NKAIN2: variants seen among roughly 807,000 people sequenced by gnomAD.
The protein encoded by NKAIN2 is sodium/potassium transporting ATPase interacting 2.
NKAIN2 carries 14 observed loss-of-function variants against 32.6 expected under a neutral mutation model. The ratio of observed to expected loss-of-function variants is 0.43; its 90% confidence interval spans 0.28 to 0.67. The LOEUF (loss-of-function observed/expected upper bound fraction) is 0.67. Among genes scored for constraint, NKAIN2 ranks in the 30% least tolerant of loss-of-function variants. NKAIN2 has a pLI of 0.17. For missense variants in NKAIN2, 198 were observed against 258.3 expected, an observed-to-expected ratio of 0.77 and a Z score of 1.60; for synonymous variants, 80 against 87.2, an observed-to-expected ratio of 0.92 and a Z score of 0.46.
chr6:124,810,666 A>G (rs1283839259), intron 5 of NKAIN2, among the ~76,000 whole-genome samples: 3 of 151,946 alleles, frequency 2.0e-5, no homozygotes, highest in African/African-American at 7.2e-5. Context: ...TAAAAATAAA[A>G]TATTAAAGAT....
intron 1 of NKAIN2, among the ~76,000 whole-genome samples, chr6:124,205,274 A>C (rs112509770): frequency 6.6e-6 from 1 of 151,890 alleles, no homozygotes; most frequent in African/African-American, 2.4e-5. Context: ...ATGCTTCTAC[A>C]CGAATTTTCC....
intron 1 of NKAIN2, among the ~76,000 whole-genome samples, chr6:124,015,105 G>A (rs570967629): frequency 1.3e-4 from 20 of 152,280 alleles, no homozygotes; most frequent in Non-Finnish European, 2.4e-4. Context: ...CTAGTAGAGT[G>A]TAAAGGGCAT....
chr6:124,752,763 C>T (rs1271944784), intron 4 of NKAIN2, among the ~76,000 whole-genome samples: 3 of 151,994 alleles, frequency 2.0e-5, no homozygotes. Context: ...TCTAAGTATG[C>T]ATCCAATGTA....
intron 1 of NKAIN2, among the ~76,000 whole-genome samples, chr6:123,930,151 A>T (rs1370055016): frequency 6.6e-6 from 1 of 152,136 alleles, no homozygotes; most frequent in Admixed American, 6.5e-5. Context: ...TCAGCACTTA[A>T]ATCATTCCCA....
At chr6:124,454,673 A>G (rs980601877) in intron 3 of NKAIN2, among the ~76,000 whole-genome samples, 6 of 152,044 alleles carry the variant, frequency 3.9e-5, no homozygotes, top group Non-Finnish European at 8.8e-5. Flanking sequence ...TTCTGAAAAC[A>G]TGCTTGGAAA....
At chr6:123,955,015 G>A (rs899222979) in intron 1 of NKAIN2, among the ~76,000 whole-genome samples, 1 of 152,084 alleles carries the variant, frequency 6.6e-6, no homozygotes, top group South Asian at 2.1e-4. Flanking sequence ...GGGAGAAGGG[G>A]ATGGGTAGGT....
chr6:124,558,603 A>G (rs541551787), intron 3 of NKAIN2, among the ~76,000 whole-genome samples: 1 of 152,126 alleles, frequency 6.6e-6, no homozygotes, highest in East Asian at 1.9e-4. Flanking sequence ...AAGATGCCCT[A>G]AGAGTTGGTG....
chr6:124,233,334 G>A (rs1270621985), intron 1 of NKAIN2, among the ~76,000 whole-genome samples: 1 of 152,082 alleles, frequency 6.6e-6, no homozygotes, highest in Non-Finnish European at 1.5e-5. Context: ...GCATTGAAAT[G>A]CAATTGGCTG....
intron 4 of NKAIN2, among the ~76,000 whole-genome samples, chr6:124,661,783 T>TA (rs1222617900): frequency 2.6e-5 from 4 of 151,904 alleles, no homozygotes; most frequent in Admixed American, 6.6e-5. Context: ...AACCAAAAAT[T>TA]AAAAAAATCC....
intron 3 of NKAIN2, among the ~76,000 whole-genome samples, chr6:124,591,188 T>C (rs1054443282): frequency 6.6e-6 from 1 of 152,180 alleles, no homozygotes; most frequent in Non-Finnish European, 1.5e-5. Flanking sequence ...GTGCCACGAA[T>C]TGGAATGTAC....
At chr6:123,808,578 C>T (rs1006355655) in intron 1 of NKAIN2, among the ~76,000 whole-genome samples, 10 of 152,142 alleles carry the variant, frequency 6.6e-5, no homozygotes, top group African/African-American at 1.2e-4. Flanking sequence ...CTTCTTTCTT[C>T]GTTCACAAAG....
chr6:124,590,364 T>C (rs1314728651), intron 3 of NKAIN2, among the ~76,000 whole-genome samples: 1 of 152,188 alleles, frequency 6.6e-6, no homozygotes, highest in Non-Finnish European at 1.5e-5. Flanking sequence ...GCATCCTATA[T>C]AGACTACTTA....
At chr6:124,758,753 T>C (rs545537389) in intron 4 of NKAIN2, among the ~76,000 whole-genome samples, 10 of 152,288 alleles carry the variant, frequency 6.6e-5, no homozygotes, top group African/African-American at 2.2e-4. Flanking sequence ...TCATTGTCCA[T>C]TGAATGAACT....
intron 5 of NKAIN2, among the ~76,000 whole-genome samples, chr6:124,812,122 C>T (rs1035283127): frequency 3.9e-5 from 6 of 152,150 alleles, no homozygotes; most frequent in Admixed American, 6.6e-5. Flanking sequence ...ATGTCCTAAC[C>T]TCTTTCTTTC....
intron 3 of NKAIN2, among the ~76,000 whole-genome samples, chr6:124,565,676 C>T (rs140240145): frequency 1.3e-5 from 2 of 152,198 alleles, no homozygotes; most frequent in Non-Finnish European, 2.9e-5. Context: ...GATGATTTGG[C>T]CTTGTGTGGG....
At chr6:124,160,189 CAGAGCT>C (rs749171743) in intron 1 of NKAIN2, among the ~76,000 whole-genome samples, 62 of 152,202 alleles carry the variant, frequency 4.1e-4, no homozygotes, top group Non-Finnish European at 7.4e-4. Flanking sequence ...GAAAAAGGGA[CAGAGCT>C]AGAGGGTAGG....
intron 3 of NKAIN2, among the ~76,000 whole-genome samples, chr6:124,597,812 G>A (rs1420497819): frequency 6.6e-6 from 1 of 152,090 alleles, no homozygotes; most frequent in African/African-American, 2.4e-5. Flanking sequence ...AGCTGTAAGT[G>A]ATATTAGAGA....
intron 5 of NKAIN2, among the ~76,000 whole-genome samples, chr6:124,800,652 G>T (rs1189032136): frequency 1.3e-5 from 2 of 152,152 alleles, no homozygotes; most frequent in East Asian, 1.9e-4. Context: ...CATTTATCGG[G>T]AAAGGAAATT....
At chr6:124,657,010 C>A (rs1287090835) in intron 3 of NKAIN2, among the ~76,000 whole-genome samples, 2 of 152,156 alleles carry the variant, frequency 1.3e-5, no homozygotes, top group Non-Finnish European at 2.9e-5. Flanking sequence ...CCTACCCCAC[C>A]CAACCACCAC....
Sources: allele counts gnomAD v4.1 joint callset (sites outside exome capture counted in the v4.1 genomes callset), GRCh38; gene constraint gnomAD v4.1.1; transcripts MANE v1.5; gene names NCBI Gene and HGNC (gene_info 2026-07-23, HGNC 2026-07-21).